Variants in NRG4 observed in about 807,000 individuals in gnomAD.
NRG4 encodes pro-neuregulin-4, membrane-bound isoform.
NRG4 carries 10 observed loss-of-function variants against 15.0 expected under a neutral mutation model. That is an observed-to-expected ratio of 0.67 (90% CI 0.41 to 1.13). The LOEUF is 1.13. Among genes scored for constraint, NRG4 ranks in the 50% most tolerant of loss-of-function variants. NRG4 has a pLI of 0.00. For missense variants in NRG4, 139 were observed against 140.2 expected (o/e 0.99, Z 0.04); for synonymous variants, 41 against 50.1 (o/e 0.82, Z 0.77).
At chr15:76,006,902 T>C (rs2034625356) in intron 3 of NRG4, among the ~76,000 whole-genome samples, 1 of 152,156 alleles carries the variant, frequency 6.6e-6, no homozygotes, top group South Asian at 2.1e-4. Flanking sequence ...TTCAGTGAGG[T>C]ATAACAGATA....
chr15:76,048,887 A>C (rs2035934175), intron 4 of NRG4, among the ~76,000 whole-genome samples: 1 of 150,560 alleles, frequency 6.6e-6, no homozygotes, highest in Non-Finnish European at 1.5e-5. Flanking sequence ...TCTAATAAAA[A>C]TACAAAAATT....
Position 75,941,579 on chromosome 15 carries a change from A to G in NRG4, c.*2059T>C, listed in dbSNP as rs1387572822. On this transcript the variant is annotated 3_prime_UTR_variant, in exon 6 of 6. Transcript: ENST00000394907. ...ATGTGTTATATCCATACAATGGAAT[A>G]TTATTCAGCCATAAAAAGGAAATCC... 1 of 152,212 alleles carries G rather than the reference A, an allele frequency of 6.6e-6. No individual in the cohort carries two copies. The highest frequency in any genetic ancestry group is 2.4e-5 in the African/African-American group (1 of 41,464). The allele number at this position is 152,212 out of a possible 1,614,324, so 9.4% of individuals were successfully genotyped here.
intron 3 of NRG4, among the ~76,000 whole-genome samples, chr15:76,000,342 T>G (rs1426730824): frequency 1.3e-5 from 2 of 152,212 alleles, no homozygotes. Context: ...CTATAATTGA[T>G]ATTATAGACA....
chr15:76,025,988 C>T (rs1483346832), intron 5 of NRG4, among the ~76,000 whole-genome samples: 2 of 151,588 alleles, frequency 1.3e-5, no homozygotes, highest in South Asian at 2.1e-4. Context: ...CAGGCAGCCC[C>T]CGACTACACA....
chr15:76,011,047 G>A (rs1433149701), intron 2 of NRG4, among the ~76,000 whole-genome samples, 174 bp downstream of exon 2: 1 of 151,924 alleles, frequency 6.6e-6, no homozygotes, highest in African/African-American at 2.4e-5. Flanking sequence ...ATGTCACAAA[G>A]GAAGGTCTCT....
rs1461608592 is a variant in NRG4 at position 76,047,470 on chromosome 15, G to T, written c.-105+4597C>A. Reference sequence around the variant, plus strand: ...AAAGAATAAAATCCCGTCATTTGCAGCAACATAGATGAATCTGGAGGCCAA... The same window carrying T: ...AAAGAATAAAATCCCGTCATTTGCATCAACATAGATGAATCTGGAGGCCAA... On this transcript the variant is annotated intron_variant, in intron 4 of 8. Transcript: ENST00000563910. 5.3e-5 allele frequency among the ~76,000 whole-genome samples: 8 copies of T among 150,896 alleles called. 1 individual carries two copies. Among genetic ancestry groups the T allele is most frequent in the Admixed American group, 2.0e-4 (3 of 15,222 alleles).
intron 3 of NRG4, among the ~76,000 whole-genome samples, chr15:75,995,901 C>G (rs1382087622): frequency 6.6e-6 from 1 of 152,134 alleles, no homozygotes; most frequent in Admixed American, 6.5e-5. Flanking sequence ...AGCCAGAAGA[C>G]TTCATGCATT....
chr15:75,956,066 T>A, intron 4 of NRG4, 55 bp from the exon 5 acceptor site: 2 of 1,000,026 alleles, frequency 2.0e-6, no homozygotes, highest in African/African-American at 1.7e-5. Context: ...GAAAAGCATG[T>A]CAGAAGACCT....
At chr15:75,936,184 C>T (rs1229438789), downstream of NRG4, 1 of 152,154 alleles carries the variant, frequency 6.6e-6, no homozygotes, top group Non-Finnish European at 1.5e-5. Flanking sequence ...TTTGCACTGC[C>T]ATAAATTCAG....
At chr15:75,954,789 T>C (rs2032135530) in intron 5 of NRG4, among the ~76,000 whole-genome samples, 1 of 152,072 alleles carries the variant, frequency 6.6e-6, no homozygotes, top group Non-Finnish European at 1.5e-5. Context: ...GGTAATTGTA[T>C]TGGATGTGAA....
intron 5 of NRG4, among the ~76,000 whole-genome samples, chr15:76,021,024 A>G (rs975777351): frequency 2.0e-5 from 3 of 152,242 alleles, no homozygotes; most frequent in African/African-American, 7.2e-5. Flanking sequence ...TTATAGCTAA[A>G]GAGAAGTCAA....
At chr15:75,964,943 A>G (rs1442439599) in intron 3 of NRG4, among the ~76,000 whole-genome samples, 1 of 151,944 alleles carries the variant, frequency 6.6e-6, no homozygotes, top group Non-Finnish European at 1.5e-5. Context: ...AGAAAAAAAG[A>G]GGCCGGACGC....
chr15:75,976,154 G>A (rs1425398064), intron 3 of NRG4, among the ~76,000 whole-genome samples: 1 of 151,924 alleles, frequency 6.6e-6, no homozygotes, highest in Non-Finnish European at 1.5e-5. Flanking sequence ...TATGCTTTAC[G>A]AAATTCTCGT....
chr15:75,944,795 A>G (rs1025207680), intron 5 of NRG4, among the ~76,000 whole-genome samples: 1 of 151,876 alleles, frequency 6.6e-6, no homozygotes, highest in Admixed American at 6.6e-5. Flanking sequence ...GCTTATAGTT[A>G]TGGTGTTGCA....
Position 75,988,958 on chromosome 15 carries a change from A to G in NRG4, c.104+20242T>C, listed in dbSNP as rs186256514. The stretch of plus-strand genomic sequence containing the variant: ...CTGCAGCCTTAAACTCCTGGACTCA[A>G]GTGATCCTCCCATCTCAGCCTCCCA... On this transcript the variant is annotated intron_variant, in intron 3 of 5. Transcript: ENST00000394907. 6.0e-5 allele frequency among the ~76,000 whole-genome samples: 9 copies of G among 151,222 alleles called. No individual in the cohort carries two copies. The East Asian group carries it at 1.4e-3, about 23-fold the overall frequency.
At chr15:76,047,514 T>C (rs879766970) in intron 4 of NRG4, among the ~76,000 whole-genome samples, 9 of 150,616 alleles carry the variant, frequency 6.0e-5, no homozygotes, top group Non-Finnish European at 1.3e-4. Context: ...AGCAAAATAA[T>C]CTAAGCACAG....
chr15:76,020,242 A>G (rs996443605), intron 5 of NRG4, among the ~76,000 whole-genome samples: 15 of 152,158 alleles, frequency 9.9e-5, no homozygotes, highest in South Asian at 2.1e-4. Context: ...AATTAGCCCA[A>G]TTGATAACCC....
At chr15:76,028,989 A>G (rs1217310309) in intron 5 of NRG4, among the ~76,000 whole-genome samples, 1 of 152,090 alleles carries the variant, frequency 6.6e-6, no homozygotes, top group Non-Finnish European at 1.5e-5. Context: ...CCAGACAAGA[A>G]CACAACAGAA....
At chr15:76,060,092 G>A (rs1423001250), upstream of NRG4, 1 of 142,460 alleles carries the variant, frequency 7.0e-6, no homozygotes. Flanking sequence ...GGGGCGGGGG[G>A]TGGGGGGACC....
Sources: allele counts gnomAD v4.1 joint callset (sites outside exome capture counted in the v4.1 genomes callset), GRCh38; gene constraint gnomAD v4.1.1; transcripts MANE v1.5; gene names NCBI Gene and HGNC (gene_info 2026-07-23, HGNC 2026-07-21).